Variants in KLHL2 observed in about 807,000 individuals in gnomAD.
KLHL2 encodes kelch-like protein 2.
In KLHL2, 15 loss-of-function variants were observed where a neutral mutation model predicts 75.8. The ratio of observed to expected loss-of-function variants is 0.20; its 90% CI spans 0.13 to 0.30. The LOEUF is 0.30. Among genes scored for constraint, KLHL2 ranks in the 10% least tolerant of loss-of-function variants. KLHL2 has a pLI of 1.00. For missense variants in KLHL2, 381 were observed against 741.0 expected, an observed-to-expected ratio of 0.51 and a Z score of 5.64; for synonymous variants, 214 against 251.9, an observed-to-expected ratio of 0.85 and a Z score of 1.42.
intron 4 of KLHL2, among the ~76,000 whole-genome samples, chr4:165,262,734 A>G (rs1247743247): frequency 2.0e-5 from 3 of 151,964 alleles, no homozygotes; most frequent in Admixed American, 2.0e-4. Context: ...GCGTGCCACC[A>G]CACCAGGCTA....
intron 6 of KLHL2, among the ~76,000 whole-genome samples, chr4:165,296,386 T>C (rs1744912633): frequency 6.6e-6 from 1 of 152,218 alleles, no homozygotes; most frequent in Non-Finnish European, 1.5e-5. Flanking sequence ...GACATTTGGC[T>C]TCCTTCAAAT....
chr4:165,224,313 G>A (rs1466128521), intron 2 of KLHL2, among the ~76,000 whole-genome samples: 1 of 152,004 alleles, frequency 6.6e-6, no homozygotes, highest in African/African-American at 2.4e-5. Flanking sequence ...TAGTGGTGGG[G>A]GCACAACCTA....
chr4:165,286,449 A>G (rs1744100230), intron 5 of KLHL2, among the ~76,000 whole-genome samples: 1 of 152,168 alleles, frequency 6.6e-6, no homozygotes, highest in Non-Finnish European at 1.5e-5. Context: ...GAACAAGTGG[A>G]GAATCAAAAG....
At chr4:165,249,696 A>C (rs896900668) in intron 4 of KLHL2, among the ~76,000 whole-genome samples, 16 of 152,220 alleles carry the variant, frequency 1.1e-4, no homozygotes, top group African/African-American at 3.6e-4. Flanking sequence ...AGGATGTGCC[A>C]AACTCCACCA....
intron 3 of KLHL2, among the ~76,000 whole-genome samples, chr4:165,233,915 T>C (rs999835666): frequency 6.6e-6 from 1 of 152,238 alleles, no homozygotes; most frequent in African/African-American, 2.4e-5. Flanking sequence ...CATGATTGGA[T>C]CTACAGCTTG....
intron 5 of KLHL2, among the ~76,000 whole-genome samples, chr4:165,269,670 G>T (rs1351993496): frequency 7.3e-6 from 1 of 137,012 alleles, no homozygotes; most frequent in Non-Finnish European, 1.7e-5. Context: ...TAGGGTTTCT[G>T]CCAAGAAATC....
intron 3 of KLHL2, among the ~76,000 whole-genome samples, chr4:165,237,108 C>G (rs1739413105): frequency 6.6e-6 from 1 of 150,412 alleles, no homozygotes; most frequent in Non-Finnish European, 1.5e-5. Flanking sequence ...GTCTCAAGTC[C>G]AAGTGGGAAT....
At chr4:165,294,491 A>G in intron 6 of KLHL2, 23 bp downstream of exon 6, 1 of 1,326,622 alleles carries the variant, frequency 7.5e-7, no homozygotes, top group East Asian at 2.3e-5. Flanking sequence ...TTCTTTTCCC[A>G]GTGTGCAATG....
At chr4:165,243,040 G>A (rs758919748) in intron 4 of KLHL2, among the ~76,000 whole-genome samples, 5 of 152,080 alleles carry the variant, frequency 3.3e-5, no homozygotes, top group African/African-American at 9.7e-5. Context: ...CTATTAAATC[G>A]TCATTAACTA....
intron 4 of KLHL2, among the ~76,000 whole-genome samples, chr4:165,239,782 ACTT>A (rs936799018): frequency 5.9e-5 from 9 of 152,276 alleles, no homozygotes; most frequent in South Asian, 4.1e-4. Context: ...ACATTGATTC[ACTT>A]CTTCTTCTCT....
intron 5 of KLHL2, among the ~76,000 whole-genome samples, chr4:165,274,883 G>A (rs1742958773): frequency 6.6e-6 from 1 of 152,120 alleles, no homozygotes; most frequent in South Asian, 2.1e-4. Context: ...GAGAGTGAGA[G>A]CAGGGGAGGA....
intron 3 of KLHL2, among the ~76,000 whole-genome samples, chr4:165,238,133 A>G (rs1739508188): frequency 6.6e-6 from 1 of 152,238 alleles, no homozygotes; most frequent in South Asian, 2.1e-4. Context: ...GACAAACAGG[A>G]ACTGAATCTG....
chr4:165,314,871 A>C (rs2126579524), intron 13 of KLHL2, among the ~76,000 whole-genome samples: 1 of 152,282 alleles, frequency 6.6e-6, no homozygotes, highest in South Asian at 2.1e-4. Context: ...GTCATTTCTC[A>C]TAGTGTAAAA....
At chr4:165,208,231 G>A (rs752458781) in intron 1 of KLHL2, among the ~76,000 whole-genome samples, 12 of 152,078 alleles carry the variant, frequency 7.9e-5, no homozygotes, top group Non-Finnish European at 1.6e-4. Flanking sequence ...ACCTGGTGCC[G>A]AGTTTGCCTA....
At chr4:165,278,328 C>T (rs750772634) in intron 5 of KLHL2, 16 of 1,105,864 alleles carry the variant, frequency 1.4e-5, no homozygotes, top group Non-Finnish European at 2.2e-5. Context: ...TACAGAATGT[C>T]TGCTTGTAGC....
intron 14 of KLHL2, 26 bp from the exon 15 acceptor site, chr4:165,322,006 T>C (rs1747021162): frequency 1.2e-6 from 2 of 1,612,310 alleles, no homozygotes; most frequent in Non-Finnish European, 1.7e-6. Context: ...GTGACTTCTT[T>C]TTTCTCTCTT....
At chr4:165,234,084 T>C (rs1739132174) in intron 3 of KLHL2, among the ~76,000 whole-genome samples, 1 of 152,220 alleles carries the variant, frequency 6.6e-6, no homozygotes. Flanking sequence ...GAAACCTTTC[T>C]CAGAAGTTAC....
intron 5 of KLHL2, among the ~76,000 whole-genome samples, chr4:165,276,630 A>C (rs780369726): frequency 6.6e-6 from 1 of 152,154 alleles, no homozygotes; most frequent in Non-Finnish European, 1.5e-5. Flanking sequence ...ATTTTGAGAA[A>C]TTCTTGGTTT....
intron 4 of KLHL2, among the ~76,000 whole-genome samples, chr4:165,259,583 A>G (rs1303196920): frequency 2.0e-5 from 3 of 152,236 alleles, no homozygotes; most frequent in South Asian, 2.1e-4. Context: ...CTTGTGTATG[A>G]TGGAGATAAT....
Sources: allele counts gnomAD v4.1 joint callset (sites outside exome capture counted in the v4.1 genomes callset), GRCh38; gene constraint gnomAD v4.1.1; transcripts MANE v1.5; gene names NCBI Gene and HGNC (gene_info 2026-07-23, HGNC 2026-07-21).